The following PTPRD variants were observed in gnomAD, a reference collection of about 807,000 sequenced individuals.
PTPRD encodes protein tyrosine phosphatase receptor type D.
In PTPRD, 34 loss-of-function variants were observed where a neutral mutation model predicts 214.5. That is an observed-to-expected ratio of 0.16 (90% CI 0.12 to 0.21). The LOEUF is 0.21. PTPRD is among the 10% of genes least tolerant of loss of function. The pLI is 1.00. For synonymous variants in PTPRD, 1,128 were observed against 845.7 expected, an observed-to-expected ratio of 1.33 and a Z score of -5.79; for missense variants, 2,545 against 2,398.7, an observed-to-expected ratio of 1.06 and a Z score of -1.27.
chr9:9,538,848 G>T (rs1188283551), intron 8 of PTPRD, among the ~76,000 whole-genome samples: 1 of 151,642 alleles, frequency 6.6e-6, no homozygotes, highest in Admixed American at 6.6e-5. Context: ...TTTTGTTTTG[G>T]TTTAATTTTT....
At chr9:10,100,117 C>G (rs1324211403) in intron 3 of PTPRD, among the ~76,000 whole-genome samples, 1 of 151,568 alleles carries the variant, frequency 6.6e-6, no homozygotes, top group Non-Finnish European at 1.5e-5. Flanking sequence ...TGCTTGTCAC[C>G]TAGTTTACAC....
chr9:9,721,705 G>C (rs2097951034), intron 7 of PTPRD, among the ~76,000 whole-genome samples: 1 of 152,070 alleles, frequency 6.6e-6, no homozygotes, highest in African/African-American at 2.4e-5. Context: ...AATTATTAAA[G>C]AGATAGACCC....
Position 8,331,850 on chromosome 9 carries a change from A to AAAG in PTPRD, c.5380-117_5380-115dup, listed in dbSNP as rs1841538287. 3 of 1,276,242 alleles carry AAAG rather than the reference A, an allele frequency of 2.4e-6. No individual in the cohort carries two copies. In the East Asian group the frequency reaches 7.6e-5, roughly 32 times the overall value. The allele number at this position is 1,276,242 out of a possible 1,614,324, so 79.1% of individuals were successfully genotyped here. On this transcript the variant is annotated intron_variant, in intron 43 of 45. Transcript: ENST00000381196. ...TTTCCCGAAAACAAAAAGGGTAGAAAAAGTTAGGAACATGTTTAAATAGAA... is the reference window on the plus strand; with the variant it reads ...TTTCCCGAAAACAAAAAGGGTAGAAAAAGAAGTTAGGAACATGTTTAAATAGAA...
intron 3 of PTPRD, among the ~76,000 whole-genome samples, chr9:10,315,152 A>G (rs573088470): frequency 2.6e-5 from 4 of 152,098 alleles, no homozygotes; most frequent in South Asian, 4.1e-4. Context: ...TTTTTATATG[A>G]GAGATCTAGC....
rs566050738 is a variant in PTPRD, at chr9:9,343,658, CATT to C, written c.-203+53788_-203+53790del. 1.1e-3 allele frequency among the ~76,000 whole-genome samples: 168 copies of C among 151,872 alleles called. 1 individual carries two copies. The highest frequency in any genetic ancestry group is 3.9e-3 in the African/African-American group (160 of 41,488). On this transcript the variant is annotated intron_variant, in intron 9 of 45. Transcript: ENST00000381196. ...CCAGTGTCAACAAAATCAGATAAAA[CATT>C]ATATCAAACAAGCAGTGCTATGAAA...
intron 5 of PTPRD, among the ~76,000 whole-genome samples, chr9:9,861,831 T>A (rs780243444): frequency 2.6e-5 from 4 of 152,202 alleles, no homozygotes; most frequent in African/African-American, 9.6e-5. Flanking sequence ...TAATTACATC[T>A]ATGTTTATAT....
chr9:8,318,107 A>C (rs1156238798), intron 45 of PTPRD, among the ~76,000 whole-genome samples, 165 bp from the exon 46 acceptor site: 1 of 152,052 alleles, frequency 6.6e-6, no homozygotes, highest in Non-Finnish European at 1.5e-5. Flanking sequence ...ATAGTGAACA[A>C]AGAAAAAGCC....
intron 8 of PTPRD, among the ~76,000 whole-genome samples, chr9:9,561,263 C>G (rs928986415): frequency 5.9e-5 from 9 of 152,096 alleles, no homozygotes; most frequent in African/African-American, 2.2e-4. Flanking sequence ...TTCCTTACAC[C>G]ACGTTTCCAG....
chr9:9,447,602 T>C (rs1232230776), intron 8 of PTPRD, among the ~76,000 whole-genome samples: 2 of 151,980 alleles, frequency 1.3e-5, no homozygotes, highest in Non-Finnish European at 2.9e-5. Context: ...AAATAATCTA[T>C]GCAACAAGCC....
intron 8 of PTPRD, among the ~76,000 whole-genome samples, chr9:9,435,840 C>T (rs547917778): frequency 6.6e-6 from 1 of 152,166 alleles, no homozygotes; most frequent in Non-Finnish European, 1.5e-5. Flanking sequence ...AATATTTTTA[C>T]CCATTTTTAA....
intron 11 of PTPRD, among the ~76,000 whole-genome samples, chr9:8,758,901 G>T (rs1408314731): frequency 1.3e-5 from 2 of 151,970 alleles, no homozygotes; most frequent in African/African-American, 2.4e-5. Flanking sequence ...TAGCCAGGAT[G>T]GTCTCGATCT....
chr9:9,247,378 GT>G (rs75250143), intron 9 of PTPRD, among the ~76,000 whole-genome samples: 23,861 of 151,906 alleles, frequency 0.16, 2,186 homozygotes, highest in East Asian at 0.32. Flanking sequence ...AAATTAGACA[GT>G]TTCTTCTTGT....
At chr9:10,371,816 C>T (rs1014552804) in intron 2 of PTPRD, among the ~76,000 whole-genome samples, 10 of 152,076 alleles carry the variant, frequency 6.6e-5, no homozygotes, top group Non-Finnish European at 1.5e-4. Flanking sequence ...ATTTTGGGAG[C>T]ATATGGTGTA....
chr9:10,345,430 C>G (rs1031579788), intron 2 of PTPRD, among the ~76,000 whole-genome samples: 1 of 151,206 alleles, frequency 6.6e-6, no homozygotes, highest in African/African-American at 2.4e-5. Flanking sequence ...CCCCACCCCC[C>G]ACATGCCCCA....
chr9:9,191,124 G>A (rs150137845), intron 9 of PTPRD, among the ~76,000 whole-genome samples: 1 of 152,208 alleles, frequency 6.6e-6, no homozygotes, highest in African/African-American at 2.4e-5. Flanking sequence ...AAAAGACTGG[G>A]GCTTCTTTCT....
intron 4 of PTPRD, among the ~76,000 whole-genome samples, chr9:9,939,531 AACCAGGATTG>A (rs2090779222): frequency 6.6e-6 from 1 of 152,110 alleles, no homozygotes. Context: ...GAATCTTCAA[AACCAGGATTG>A]ACCAGGTCAA....
chr9:9,290,627 T>C, intron 9 of PTPRD, among the ~76,000 whole-genome samples: 1 of 151,576 alleles, frequency 6.6e-6, no homozygotes, highest in East Asian at 2.0e-4. Flanking sequence ...CCAGTCTTAA[T>C]TTTAACGTTA....
chr9:8,619,169 AC>A (rs1488498997), intron 14 of PTPRD, among the ~76,000 whole-genome samples: 1 of 151,956 alleles, frequency 6.6e-6, no homozygotes, highest in Non-Finnish European at 1.5e-5. Context: ...TCAGTAACAT[AC>A]GCATTATCTT....
At chr9:9,493,388 A>G (rs1317876029) in intron 8 of PTPRD, among the ~76,000 whole-genome samples, 1 of 152,232 alleles carries the variant, frequency 6.6e-6, no homozygotes, top group African/African-American at 2.4e-5. Flanking sequence ...GCTCTGATGA[A>G]GATGTACAAA....
Sources: allele counts gnomAD v4.1 joint callset (sites outside exome capture counted in the v4.1 genomes callset), GRCh38; gene constraint gnomAD v4.1.1; transcripts MANE v1.5; gene names NCBI Gene and HGNC (gene_info 2026-07-23, HGNC 2026-07-21).